OLFM3: variants seen among roughly 807,000 people sequenced by gnomAD.
The protein encoded by OLFM3 is olfactomedin 3.
Under a neutral mutation model 48.6 loss-of-function variants are expected in OLFM3, and 20 were observed. The ratio of observed to expected loss-of-function variants is 0.41; its 90% confidence interval spans 0.29 to 0.60. The LOEUF is 0.60. OLFM3 is among the 20% of genes least tolerant of loss of function. OLFM3 has a pLI of 0.28. For missense variants in OLFM3, 437 were observed against 544.3 expected (o/e 0.80, Z 1.96); for synonymous variants, 222 against 198.1 (o/e 1.12, Z -1.01).
Position 101,901,771 on chromosome 1 carries a change from C to T in OLFM3, c.70-64746G>A, listed in dbSNP as rs191831476. On this transcript the variant is annotated intron_variant, in intron 1 of 5. Transcript: ENST00000370103. ...GTTAAAGATGACGACTAAATTTCAACTGGGAGAACAGTGGTACTTCAATAG... is the reference window on the plus strand; with the variant it reads ...GTTAAAGATGACGACTAAATTTCAATTGGGAGAACAGTGGTACTTCAATAG... Among the ~76,000 whole-genome samples, 33 of 152,070 alleles carry T rather than the reference C, an allele frequency of 2.2e-4. No individual in the cohort carries two copies. The East Asian group carries it at 6.0e-3, about 28-fold the overall frequency.
chr1:101,964,825 G>T (rs1351617829), intron 1 of OLFM3, among the ~76,000 whole-genome samples: 3 of 152,114 alleles, frequency 2.0e-5, no homozygotes, highest in Non-Finnish European at 4.4e-5. Flanking sequence ...TAAACAAGTT[G>T]GTACAAACCA....
At chr1:101,819,506 A>C (rs1390329116) in intron 4 of OLFM3, among the ~76,000 whole-genome samples, 1 of 152,012 alleles carries the variant, frequency 6.6e-6, no homozygotes, top group African/African-American at 2.4e-5. Flanking sequence ...CATGAATGAC[A>C]CTCTGAATTC....
At chr1:101,899,807 A>G (rs945931824) in intron 1 of OLFM3, among the ~76,000 whole-genome samples, 2 of 152,164 alleles carry the variant, frequency 1.3e-5, no homozygotes, top group Admixed American at 1.3e-4. Flanking sequence ...TAAATAAATA[A>G]TTTAAACTGG....
chr1:101,843,135 T>TCCC (rs1316854889), intron 1 of OLFM3, among the ~76,000 whole-genome samples: 1 of 152,214 alleles, frequency 6.6e-6, no homozygotes, highest in Non-Finnish European at 1.5e-5. Flanking sequence ...TTCAGGGGAT[T>TCCC]CTACTCATTT....
intron 1 of OLFM3, among the ~76,000 whole-genome samples, chr1:101,937,177 A>AT (rs1297232337): frequency 2.0e-5 from 3 of 152,200 alleles, no homozygotes; most frequent in African/African-American, 7.2e-5. Flanking sequence ...AATCAGAGTG[A>AT]TCCCCAAAAT....
chr1:101,911,910 G>A (rs1456363350), intron 1 of OLFM3, among the ~76,000 whole-genome samples: 2 of 152,154 alleles, frequency 1.3e-5, no homozygotes, highest in African/African-American at 4.8e-5. Flanking sequence ...ATTTAAGTAG[G>A]TAATTGTGAA....
intron 1 of OLFM3, among the ~76,000 whole-genome samples, chr1:101,972,812 T>A (rs193030610): frequency 6.6e-6 from 1 of 152,214 alleles, no homozygotes; most frequent in Non-Finnish European, 1.5e-5. Context: ...CTCTCACTTG[T>A]GGAGTAAGCT....
intron 1 of OLFM3, among the ~76,000 whole-genome samples, chr1:101,979,487 CT>C (rs1206750117): frequency 1.3e-5 from 2 of 152,184 alleles, no homozygotes; most frequent in African/African-American, 4.8e-5. Flanking sequence ...TTATAAGCAT[CT>C]GGTATTTCCC....
chr1:101,896,005 A>C (rs1658187772), intron 1 of OLFM3, among the ~76,000 whole-genome samples: 1 of 147,984 alleles, frequency 6.8e-6, no homozygotes, highest in Non-Finnish European at 1.5e-5. Context: ...TAATAATAAT[A>C]AAAGTATGCA....
intron 3 of OLFM3, 120 bp downstream of exon 3, chr1:101,830,552 T>A: frequency 9.9e-7 from 1 of 1,006,916 alleles, no homozygotes; most frequent in Non-Finnish European, 1.5e-6. Context: ...AAATCCCCCA[T>A]GAGTCTTTTA....
intron 1 of OLFM3, among the ~76,000 whole-genome samples, chr1:101,938,504 G>A (rs1037132225): frequency 2.0e-5 from 3 of 152,064 alleles, no homozygotes; most frequent in Non-Finnish European, 4.4e-5. Context: ...CTTGTGCCCC[G>A]TTATTTACCT....
chr1:101,991,016 A>AAAATATAT (rs1553186119), intron 1 of OLFM3, among the ~76,000 whole-genome samples: 42 of 32,190 alleles, frequency 1.3e-3, no homozygotes, highest in Non-Finnish European at 1.6e-3. Flanking sequence ...AAAAAAAAAA[A>AAAATATAT]ATATATATAT....
chr1:101,861,280 T>C (rs114669450), intron 1 of OLFM3, among the ~76,000 whole-genome samples: 1,685 of 151,412 alleles, frequency 0.011, 43 homozygotes, highest in African/African-American at 0.038. Flanking sequence ...CAGGCTGGTA[T>C]GGAACTCCTG....
At chr1:101,886,713 A>T (rs968134229) in intron 1 of OLFM3, among the ~76,000 whole-genome samples, 3 of 152,104 alleles carry the variant, frequency 2.0e-5, no homozygotes, top group Admixed American at 6.6e-5. Flanking sequence ...CAACCCACAG[A>T]GGTGTGAGAC....
intron 1 of OLFM3, among the ~76,000 whole-genome samples, chr1:101,908,156 A>G (rs1441979627): frequency 6.6e-6 from 1 of 152,190 alleles, no homozygotes; most frequent in Non-Finnish European, 1.5e-5. Context: ...TGAGGAAAAA[A>G]CTTTTTATCC....
chr1:101,818,774 C>G (rs1654460995), intron 4 of OLFM3, among the ~76,000 whole-genome samples: 2 of 152,214 alleles, frequency 1.3e-5, no homozygotes, highest in Admixed American at 6.5e-5. Context: ...CCCCCAAAAG[C>G]TTTTTGGCTT....
At chr1:101,933,201 CAAAAAAAAAAAAAA>C (rs761881274) in intron 1 of OLFM3, among the ~76,000 whole-genome samples, 1 of 40,110 alleles carries the variant, frequency 2.5e-5, no homozygotes, top group Non-Finnish European at 4.5e-5. Context: ...GACTCCATCT[CAAAAAAAAAAAAAA>C]AAAAAAAAAA....
At chr1:101,921,968 A>C (rs1000410478) in intron 1 of OLFM3, among the ~76,000 whole-genome samples, 1 of 152,152 alleles carries the variant, frequency 6.6e-6, no homozygotes, top group African/African-American at 2.4e-5. Context: ...CTGAGGCAGA[A>C]GAATGGCTTG....
At chr1:101,835,529 T>C (rs1655360507) in intron 2 of OLFM3, among the ~76,000 whole-genome samples, 1 of 152,178 alleles carries the variant, frequency 6.6e-6, no homozygotes, top group Admixed American at 6.5e-5. Context: ...GGCCAGGCTG[T>C]GTTGCCAACT....
Sources: gnomAD v4.1 joint callset for allele counts (sites outside exome capture counted in the v4.1 genomes callset) on GRCh38, gnomAD v4.1.1 for gene constraint, MANE v1.5 for transcripts, NCBI Gene and HGNC (gene_info 2026-07-23, HGNC 2026-07-21) for gene names.